The following TMCO4 variants were observed in gnomAD, a reference collection of about 807,000 sequenced individuals.
TMCO4 encodes transmembrane and coiled-coil domains 4.
In TMCO4, 58 loss-of-function variants were observed where a neutral mutation model predicts 64.7. The ratio of observed to expected loss-of-function variants is 0.90; its 90% CI spans 0.73 to 1.12. The LOEUF is 1.12. TMCO4 is among the 50% of genes most tolerant of loss of function. The pLI, the probability that TMCO4 is intolerant of heterozygous loss-of-function variation, is 0.00. For missense variants in TMCO4, 780 were observed against 825.9 expected, an observed-to-expected ratio of 0.94 and a Z score of 0.68; for synonymous variants, 325 against 346.1, an observed-to-expected ratio of 0.94 and a Z score of 0.68.
At chr1:19,742,664 C>A (rs71645465) in intron 10 of TMCO4, among the ~76,000 whole-genome samples, 4,626 of 152,268 alleles carry the variant, frequency 0.03, 106 homozygotes, top group Middle Eastern at 0.048. Context: ...AAACCCAGCT[C>A]GATGGCTTCC....
At chr1:19,766,491 A>G (rs1236957420) in intron 6 of TMCO4, among the ~76,000 whole-genome samples, 3 of 152,200 alleles carry the variant, frequency 2.0e-5, no homozygotes, top group Non-Finnish European at 4.4e-5. Context: ...GGTCACACGC[A>G]AGAGTCTCAA....
intron 6 of TMCO4, among the ~76,000 whole-genome samples, chr1:19,766,779 T>C (rs2042752472): frequency 6.6e-6 from 1 of 152,214 alleles, no homozygotes; most frequent in Non-Finnish European, 1.5e-5. Flanking sequence ...ATACTCCCCA[T>C]TCTTGGTCCC....
chr1:19,714,125 C>T (rs182770950), intron 13 of TMCO4, among the ~76,000 whole-genome samples: 61 of 152,190 alleles, frequency 4.0e-4, no homozygotes, highest in African/African-American at 1.5e-3. Context: ...TTAGTAGAAA[C>T]GGGTTTTCAC....
chr1:19,782,607 C>T (rs74534327), intron 3 of TMCO4, among the ~76,000 whole-genome samples: 6,075 of 152,248 alleles, frequency 0.04, 430 homozygotes, highest in African/African-American at 0.14. Context: ...TCCTTCTTTT[C>T]CTTCCCTCTA....
At chr1:19,744,688 T>C (rs2041683343) in intron 10 of TMCO4, among the ~76,000 whole-genome samples, 1 of 152,200 alleles carries the variant, frequency 6.6e-6, no homozygotes, top group African/African-American at 2.4e-5. Context: ...CCTTTGCACC[T>C]GCTGTCCCTT....
At chr1:19,727,092 T>G (rs1345844189) in intron 13 of TMCO4, among the ~76,000 whole-genome samples, 1 of 152,206 alleles carries the variant, frequency 6.6e-6, no homozygotes, top group East Asian at 1.9e-4. Context: ...AAACCCAAAC[T>G]GCCTGCCTGG....
At chr1:19,755,459 G>T (rs1435752279) in intron 7 of TMCO4, among the ~76,000 whole-genome samples, 175 bp downstream of exon 7, 2 of 152,188 alleles carry the variant, frequency 1.3e-5, no homozygotes, top group Non-Finnish European at 2.9e-5. Flanking sequence ...GGCCCAGAGA[G>T]GGCAAGTAGC....
At chr1:19,771,672 T>C (rs773657101) in intron 4 of TMCO4, among the ~76,000 whole-genome samples, 190 bp from the exon 5 acceptor site, 2 of 152,156 alleles carry the variant, frequency 1.3e-5, no homozygotes, top group Non-Finnish European at 2.9e-5. Flanking sequence ...TGTTTTTGTT[T>C]TGAGATGGAG....
intron 9 of TMCO4, among the ~76,000 whole-genome samples, chr1:19,745,891 C>T (rs2041757129): frequency 6.6e-6 from 1 of 152,148 alleles, no homozygotes; most frequent in African/African-American, 2.4e-5. Context: ...TGGTTTGGAC[C>T]TCAGAGCCCA....
In TMCO4 at chr1:19,732,405, A is replaced by G. The variant is rs1180204197; in HGVS notation, c.1264+4967T>C. Among the ~76,000 whole-genome samples the G allele has an allele frequency of 6.6e-6, 1 of 152,040 alleles. No homozygotes were observed. Among genetic ancestry groups the G allele is most frequent in the Non-Finnish European group, 1.5e-5 (1 of 67,980 alleles). On this transcript the variant is annotated intron_variant, in intron 13 of 15. Transcript: ENST00000294543. The surrounding 1 kb of genome is among the most constrained non-coding windows in gnomAD (Gnocchi z 4.8). Reference sequence around the variant, plus strand: ...GGTCTTGAACTCCTGGGCTCAAGCAATCCTCCCACCTCAGCCTCCCAAAGT... The same window carrying G: ...GGTCTTGAACTCCTGGGCTCAAGCAGTCCTCCCACCTCAGCCTCCCAAAGT...
At chr1:19,754,139 T>C (rs1409719455) in intron 7 of TMCO4, among the ~76,000 whole-genome samples, 2 of 152,220 alleles carry the variant, frequency 1.3e-5, no homozygotes, top group Non-Finnish European at 2.9e-5. Flanking sequence ...GTGGCAGAAC[T>C]GGCCTGTATT....
intron 13 of TMCO4, among the ~76,000 whole-genome samples, chr1:19,711,363 G>A (rs2095330075): frequency 6.6e-6 from 1 of 152,170 alleles, no homozygotes; most frequent in South Asian, 2.1e-4. Context: ...AAGACGCCTG[G>A]CTTTTGGTTT....
Position 19,771,400 on chromosome 1 carries a change from C to T in TMCO4, c.262G>A (p.Ala88Thr). ...GCTCCTTCACCTCCCAGGCCGCTCG[C>T]AAAAGCAGTCATGGTTGGCAAGACA... Reference protein sequence around the residue: ...EAVLPTMTAFASGLGGEGADV... With the variant: ...EAVLPTMTAFTSGLGGEGADV... The change falls in exon 5 of 16, where the codon GCG becomes ACG. Residue 88 changes from alanine (A) to threonine (T), a missense_variant. By Grantham distance (58) the Ala-to-Thr change is moderately conservative (BLOSUM62 0). Coordinates refer to ENST00000294543, the MANE Select transcript of TMCO4 (RefSeq NM_181719.7). 2 of 1,614,164 alleles carry T rather than the reference C, an allele frequency of 1.2e-6. No individual in the cohort carries two copies. The highest frequency in any genetic ancestry group is 1.7e-6 in the Non-Finnish European group (2 of 1,180,036).
At position 19,732,955 on chromosome 1, in the gene TMCO4, T is replaced by TA. The variant is rs2095436396; in HGVS notation, c.1264+4416dup. On this transcript the variant is annotated intron_variant, in intron 13 of 15. Transcript: ENST00000294543. The surrounding 1 kb of genome is among the most constrained non-coding windows in gnomAD (Gnocchi z 4.8). ...TCGTTTTTCTTTTTTGCTGACTACC[T>TA]ACTCATCTGTCAATATAGAAGTTTT... Among the ~76,000 whole-genome samples the TA allele has an allele frequency of 6.6e-6, 1 of 152,090 alleles. No individual in the cohort carries two copies. Among genetic ancestry groups the TA allele is most frequent in the African/African-American group, 2.4e-5 (1 of 41,428 alleles).
intron 13 of TMCO4, among the ~76,000 whole-genome samples, chr1:19,724,819 T>G (rs1452093263): frequency 1.3e-5 from 2 of 152,186 alleles, no homozygotes; most frequent in Non-Finnish European, 2.9e-5. Context: ...TGGAGTGCAG[T>G]GGCACAATCT....
At chr1:19,759,614 C>T (rs779891312) in intron 6 of TMCO4, among the ~76,000 whole-genome samples, 9 of 152,210 alleles carry the variant, frequency 5.9e-5, no homozygotes, top group Non-Finnish European at 1.3e-4. Flanking sequence ...CCTTTGCACT[C>T]GCTGTTCTTG....
At chr1:19,713,749 G>A (rs1201972095) in intron 13 of TMCO4, among the ~76,000 whole-genome samples, 1 of 151,976 alleles carries the variant, frequency 6.6e-6, no homozygotes, top group Non-Finnish European at 1.5e-5. Flanking sequence ...AAAAAAACAT[G>A]CTCCTTGAAG....
At chr1:19,742,100 C>T (rs2095482043) in intron 10 of TMCO4, among the ~76,000 whole-genome samples, 1 of 152,112 alleles carries the variant, frequency 6.6e-6, no homozygotes, top group Non-Finnish European at 1.5e-5. Context: ...CATGAGCTCC[C>T]AGATCGTACA....
At chr1:19,736,467 A>C (rs1014413598) in intron 13 of TMCO4, among the ~76,000 whole-genome samples, 4 of 152,070 alleles carry the variant, frequency 2.6e-5, no homozygotes, top group South Asian at 2.1e-4. Context: ...CAGGTTCAAC[A>C]ATTTCTCTCT....
Sources: gnomAD v4.1 joint callset for allele counts (sites outside exome capture counted in the v4.1 genomes callset) on GRCh38, gnomAD v4.1.1 for gene constraint, Gnocchi (gnomAD v3.1) non-coding constraint, MANE v1.5 for transcripts, NCBI Gene and HGNC (gene_info 2026-07-23, HGNC 2026-07-21) for gene names.